Variants in BMPR1B observed in about 807,000 individuals in gnomAD.
BMPR1B encodes bone morphogenetic protein receptor type 1B.
Under a neutral mutation model 59.1 loss-of-function variants are expected in BMPR1B, and 12 were observed. The ratio of observed to expected loss-of-function variants is 0.20; its 90% CI spans 0.13 to 0.33. BMPR1B has a LOEUF of 0.33. Ranked by LOEUF, BMPR1B falls within the 10% of genes least tolerant of loss-of-function variation. The pLI is 1.00. For missense variants in BMPR1B, 550 were observed against 610.9 expected (o/e 0.90, Z 1.05); for synonymous variants, 237 against 207.3 (o/e 1.14, Z -1.23).
chr4:94,854,484 C>T (rs553499249), intron 1 of BMPR1B, among the ~76,000 whole-genome samples: 6 of 152,060 alleles, frequency 3.9e-5, no homozygotes, highest in South Asian at 2.1e-4. Context: ...TTTTTGATAA[C>T]GGTGACAAGG....
At chr4:95,113,352 A>G (rs958774343) in intron 4 of BMPR1B, among the ~76,000 whole-genome samples, 3 of 152,122 alleles carry the variant, frequency 2.0e-5, no homozygotes, top group Non-Finnish European at 2.9e-5. Context: ...TGGCTCTTAT[A>G]AAGTGAAGTA....
At chr4:95,048,203 T>C (rs959236114) in intron 3 of BMPR1B, among the ~76,000 whole-genome samples, 14 of 152,208 alleles carry the variant, frequency 9.2e-5, no homozygotes, top group African/African-American at 2.4e-4. Context: ...TGCTGATGTG[T>C]ACCTCAGTTG....
intron 2 of BMPR1B, among the ~76,000 whole-genome samples, chr4:94,975,071 T>G (rs1056078183): frequency 1.3e-5 from 2 of 152,136 alleles, no homozygotes; most frequent in African/African-American, 4.8e-5. Flanking sequence ...AGTTTGTTAT[T>G]TACGGTGCCA....
intron 1 of BMPR1B, among the ~76,000 whole-genome samples, chr4:94,829,874 G>A (rs889270288): frequency 6.6e-6 from 1 of 152,112 alleles, no homozygotes; most frequent in Non-Finnish European, 1.5e-5. Flanking sequence ...GATTTGTAAC[G>A]CATTTCTAAA....
intron 4 of BMPR1B, 103 bp downstream of exon 4, chr4:95,104,670 A>G (rs1731076101): frequency 1.4e-6 from 2 of 1,393,962 alleles, no homozygotes; most frequent in Non-Finnish European, 1.0e-6. Flanking sequence ...TTAGAGAACA[A>G]TGCCTAACAC....
chr4:95,137,931 G>T (rs1387571263), intron 10 of BMPR1B, among the ~76,000 whole-genome samples: 2 of 152,138 alleles, frequency 1.3e-5, no homozygotes, highest in African/African-American at 2.4e-5. Context: ...TGTTATGTGT[G>T]AGTTTGATCC....
intron 1 of BMPR1B, among the ~76,000 whole-genome samples, chr4:94,868,847 A>G (rs1726361410): frequency 6.6e-6 from 1 of 152,206 alleles, no homozygotes; most frequent in Non-Finnish European, 1.5e-5. Flanking sequence ...AAGTATTCCC[A>G]GTTTGGTAGA....
chr4:94,835,773 T>A (rs972593349), intron 1 of BMPR1B, among the ~76,000 whole-genome samples: 2 of 152,192 alleles, frequency 1.3e-5, no homozygotes, highest in Admixed American at 1.3e-4. Context: ...TCTTTTATTA[T>A]TATACTTTAA....
intron 1 of BMPR1B, among the ~76,000 whole-genome samples, chr4:94,859,971 C>G (rs17022361): frequency 0.062 from 9,372 of 152,134 alleles, 751 homozygotes; most frequent in African/African-American, 0.18. Context: ...CATCGTTTTG[C>G]AGATTTTCAT....
intron 6 of BMPR1B, among the ~76,000 whole-genome samples, chr4:95,116,262 G>C (rs1732025065): frequency 6.6e-6 from 1 of 151,816 alleles, no homozygotes; most frequent in African/African-American, 2.4e-5. Flanking sequence ...TTGATAAAAT[G>C]GGGAAGGTAT....
At chr4:94,801,426 A>G (rs1723402003) in intron 1 of BMPR1B, among the ~76,000 whole-genome samples, 1 of 152,194 alleles carries the variant, frequency 6.6e-6, no homozygotes. Context: ...AGAGCCGACA[A>G]CCAAAGAGAA....
At chr4:94,955,169 C>T (rs908824753) in intron 2 of BMPR1B, among the ~76,000 whole-genome samples, 3 of 152,194 alleles carry the variant, frequency 2.0e-5, no homozygotes, top group Admixed American at 6.5e-5. Context: ...TCTGCCTTGC[C>T]TATAACTAGT....
At chr4:94,920,183 A>G (rs906130934) in intron 2 of BMPR1B, among the ~76,000 whole-genome samples, 4 of 152,224 alleles carry the variant, frequency 2.6e-5, no homozygotes, top group African/African-American at 2.4e-5. Context: ...TGGCATTTTG[A>G]CAAATTCTTT....
At chr4:94,849,610 A>AG (rs2148945428) in intron 1 of BMPR1B, among the ~76,000 whole-genome samples, 1 of 152,200 alleles carries the variant, frequency 6.6e-6, no homozygotes, top group Admixed American at 6.6e-5. Context: ...AAACTGCTGT[A>AG]GTGCTGTGCT....
In BMPR1B at chr4:95,061,260, A is replaced by C. The variant is rs1307404355; in HGVS notation, c.-17-43148A>C. Among the ~76,000 whole-genome samples the C allele has an allele frequency of 8.6e-5, 13 of 151,808 alleles. No individual in the cohort carries two copies. The East Asian group carries it at 2.5e-3, about 29-fold the overall frequency. On this transcript the variant is annotated intron_variant, in intron 3 of 12. Coordinates refer to ENST00000515059, the MANE Select transcript of BMPR1B (RefSeq NM_001203.3). ...ATAGGCAATACCCCAGAATATATAA[A>C]ATTAAAAGAGAGTAAGAGAAGAGGC...
At chr4:95,128,473 T>C (rs1733064338) in intron 8 of BMPR1B, among the ~76,000 whole-genome samples, 1 of 152,190 alleles carries the variant, frequency 6.6e-6, no homozygotes, top group Non-Finnish European at 1.5e-5. Flanking sequence ...ACCATTGATA[T>C]CAGAGTTCTT....
At chr4:95,125,157 G>A (rs748189302) in intron 8 of BMPR1B, 36 bp downstream of exon 8, 2 of 1,611,904 alleles carry the variant, frequency 1.2e-6, no homozygotes, top group South Asian at 1.1e-5. Flanking sequence ...TAAAGGAAAT[G>A]TTTTCTGAAA....
intron 1 of BMPR1B, among the ~76,000 whole-genome samples, chr4:94,794,450 T>A (rs71601232): frequency 7.3e-6 from 1 of 137,436 alleles, no homozygotes; most frequent in Admixed American, 7.0e-5. Context: ...AGTCAGGTAG[T>A]GTGATGCCTC....
intron 7 of BMPR1B, 111 bp from the exon 8 acceptor site, chr4:95,124,872 A>G (rs1003770087): frequency 2.0e-6 from 2 of 989,410 alleles, no homozygotes; most frequent in Non-Finnish European, 3.1e-6. Flanking sequence ...CATTTAATGT[A>G]TTATATTTAG....
Sources: gnomAD v4.1 joint callset for allele counts (sites outside exome capture counted in the v4.1 genomes callset) on GRCh38, gnomAD v4.1.1 for gene constraint, MANE v1.5 for transcripts, NCBI Gene and HGNC (gene_info 2026-07-23, HGNC 2026-07-21) for gene names.